ATP9A: variants seen among roughly 807,000 people sequenced by gnomAD.
ATP9A encodes the protein probable phospholipid-transporting ATPase IIA.
ATP9A carries 52 observed loss-of-function variants against 144.1 expected under a neutral mutation model. The observed-to-expected ratio is 0.36, with a 90% confidence interval of 0.29 to 0.45. The LOEUF is 0.45. ATP9A is among the 20% of genes least tolerant of loss of function. The pLI, the probability that ATP9A is intolerant of heterozygous loss-of-function variation, is 1.00. For missense variants in ATP9A, 947 were observed against 1,392.7 expected (o/e 0.68, Z 5.09); for synonymous variants, 582 against 557.4 (o/e 1.04, Z -0.62).
intron 4 of ATP9A, among the ~76,000 whole-genome samples, chr20:51,700,191 CAG>C (rs752937979): frequency 6.6e-6 from 1 of 152,142 alleles, no homozygotes; most frequent in African/African-American, 2.4e-5. Context: ...AATACATTTA[CAG>C]AGAGACTGGA....
chr20:51,748,948 T>TAGATAGATAGATAGATAGAC (rs765791447), intron 1 of ATP9A, among the ~76,000 whole-genome samples: 10 of 137,802 alleles, frequency 7.3e-5, no homozygotes, highest in Non-Finnish European at 1.1e-4. Flanking sequence ...GATAGATAGA[T>TAGATAGATAGATAGATAGAC]AGACAGACAG....
intron 9 of ATP9A, among the ~76,000 whole-genome samples, chr20:51,676,841 C>G (rs968966613): frequency 6.6e-5 from 10 of 151,422 alleles, no homozygotes; most frequent in Non-Finnish European, 1.3e-4. Flanking sequence ...GTCTTGAACT[C>G]CTGACTTCAA....
At chr20:51,630,155 G>A (rs1354480856) in intron 15 of ATP9A, among the ~76,000 whole-genome samples, 1 of 152,188 alleles carries the variant, frequency 6.6e-6, no homozygotes, top group Non-Finnish European at 1.5e-5. Flanking sequence ...CCACCACCAG[G>A]AACTCCTCCA....
chr20:51,624,331 G>A (rs1420945320), intron 18 of ATP9A, among the ~76,000 whole-genome samples: 3 of 152,142 alleles, frequency 2.0e-5, no homozygotes, highest in Non-Finnish European at 2.9e-5. Context: ...AGTGGAGGCC[G>A]GTGGCAGGCA....
intron 14 of ATP9A, among the ~76,000 whole-genome samples, chr20:51,641,370 T>C (rs2077318030): frequency 6.6e-6 from 1 of 151,436 alleles, no homozygotes. Context: ...AAAAAAAAAT[T>C]ATTATTAGGG....
At chr20:51,734,890 G>T (rs1015271033) in intron 1 of ATP9A, 1 of 216,414 alleles carries the variant, frequency 4.6e-6, no homozygotes, top group South Asian at 7.9e-5. Context: ...AAAATTCATC[G>T]ACTTGCCTAC....
chr20:51,704,059 G>A (rs918321890), intron 4 of ATP9A, among the ~76,000 whole-genome samples: 4 of 151,920 alleles, frequency 2.6e-5, no homozygotes, highest in African/African-American at 9.7e-5. Flanking sequence ...TATTCAAATA[G>A]AGTTGTCTGC....
At chr20:51,626,493 A>AT (rs1294897273) in intron 17 of ATP9A, among the ~76,000 whole-genome samples, 2 of 113,926 alleles carry the variant, frequency 1.8e-5, no homozygotes, top group Non-Finnish European at 4.0e-5. Flanking sequence ...TCTGTCACAA[A>AT]TAAAAAAAAA....
intron 15 of ATP9A, among the ~76,000 whole-genome samples, chr20:51,633,485 C>A (rs1050074057): frequency 5.3e-5 from 8 of 152,172 alleles, no homozygotes; most frequent in African/African-American, 1.9e-4. Flanking sequence ...GTGGCTCACG[C>A]CTGTAATCCC....
At chr20:51,767,739 C>T (rs2077911511) in intron 1 of ATP9A, among the ~76,000 whole-genome samples, 3 of 152,246 alleles carry the variant, frequency 2.0e-5, no homozygotes, top group South Asian at 2.1e-4. Context: ...TGGTTCGGGT[C>T]CACCCCGGGC....
chr20:51,638,071 T>TTTATA (rs2077300953), intron 15 of ATP9A, among the ~76,000 whole-genome samples: 1 of 34,164 alleles, frequency 2.9e-5, no homozygotes, highest in African/African-American at 8.6e-5. Flanking sequence ...TTTCATCATT[T>TTTATA]TATATATATA....
chr20:51,623,419 G>T (rs990902334), intron 18 of ATP9A, among the ~76,000 whole-genome samples: 2 of 152,184 alleles, frequency 1.3e-5, no homozygotes, highest in Non-Finnish European at 2.9e-5. Flanking sequence ...CCCAATGTGA[G>T]AACCTGGGGA....
intron 8 of ATP9A, 111 bp from the exon 9 acceptor site, chr20:51,689,250 C>T (rs2077536845): frequency 9.1e-7 from 1 of 1,095,278 alleles, no homozygotes. Flanking sequence ...CCCCGATGAA[C>T]CTGGAAGCCC....
chr20:51,718,377 G>A (rs543592113), intron 3 of ATP9A, among the ~76,000 whole-genome samples: 2 of 151,228 alleles, frequency 1.3e-5, no homozygotes, highest in South Asian at 4.3e-4. Flanking sequence ...TGTGTGTGGG[G>A]GGGGGTTGTT....
intron 7 of ATP9A, among the ~76,000 whole-genome samples, chr20:51,693,173 C>T (rs1358107551): frequency 1.3e-5 from 2 of 152,210 alleles, no homozygotes; most frequent in African/African-American, 4.8e-5. Flanking sequence ...AAGAACCCAC[C>T]CGCAGGGATG....
chr20:51,619,228 CCCATGTG>C (rs1191943295), intron 19 of ATP9A, among the ~76,000 whole-genome samples, 185 bp from the exon 20 acceptor site: 2 of 152,180 alleles, frequency 1.3e-5, no homozygotes, highest in African/African-American at 4.8e-5. Flanking sequence ...ATCAAGAGAG[CCCATGTG>C]CCAACCACCA....
At chr20:51,742,354 C>A (rs1358329775) in intron 1 of ATP9A, among the ~76,000 whole-genome samples, 1 of 151,602 alleles carries the variant, frequency 6.6e-6, no homozygotes, top group Non-Finnish European at 1.5e-5. Flanking sequence ...AACTTCATGC[C>A]ATTACCATAA....
chr20:51,682,727 G>A (rs1452255649), intron 9 of ATP9A, among the ~76,000 whole-genome samples: 1 of 149,348 alleles, frequency 6.7e-6, no homozygotes, highest in Non-Finnish European at 1.5e-5. Flanking sequence ...GAGTAACTGA[G>A]ATTACAGGCA....
At chr20:51,629,623 C>T in intron 15 of ATP9A, among the ~76,000 whole-genome samples, 1 of 152,228 alleles carries the variant, frequency 6.6e-6, no homozygotes, top group East Asian at 1.9e-4. Context: ...TAGCAAATGT[C>T]TCCTGGGGGC....
Sources: allele counts gnomAD v4.1 joint callset (sites outside exome capture counted in the v4.1 genomes callset), GRCh38; gene constraint gnomAD v4.1.1; transcripts MANE v1.5; gene names NCBI Gene and HGNC (gene_info 2026-07-23, HGNC 2026-07-21).